SAFB2: variants seen among roughly 807,000 people sequenced by gnomAD.
SAFB2 encodes the protein scaffold attachment factor B2.
Under a neutral mutation model 100.6 loss-of-function variants are expected in SAFB2, and 32 were observed. That is an observed-to-expected ratio of 0.32 (90% CI 0.24 to 0.43). SAFB2 has a LOEUF of 0.43. Among genes scored for constraint, SAFB2 ranks in the 20% least tolerant of loss-of-function variants. The pLI, the probability that SAFB2 is intolerant of heterozygous loss-of-function variation, is 1.00. For missense variants in SAFB2, 1,185 were observed against 1,163.4 expected, an observed-to-expected ratio of 1.02 and a Z score of -0.27; for synonymous variants, 500 against 439.4, an observed-to-expected ratio of 1.14 and a Z score of -1.72.
At chr19:5,591,503 C>T (rs563894070) in intron 17 of SAFB2, 1 of 435,394 alleles carries the variant, frequency 2.3e-6, no homozygotes, top group Non-Finnish European at 4.2e-6. Flanking sequence ...TGGTCTTGAA[C>T]TCCTGACCTT....
chr19:5,612,485 A>G, intron 6 of SAFB2, 55 bp downstream of exon 6: 1 of 1,499,470 alleles, frequency 6.7e-7, no homozygotes, highest in Non-Finnish European at 9.3e-7. Context: ...GACAGCTTTA[A>G]AATAATAGTG....
At chr19:5,609,796 C>T (rs547936951) in intron 9 of SAFB2, among the ~76,000 whole-genome samples, 199 bp downstream of exon 9, 33 of 152,298 alleles carry the variant, frequency 2.2e-4, no homozygotes, top group Admixed American at 5.9e-4. Context: ...GGGCGAGCTT[C>T]GCTGCTGTCG....
chr19:5,599,826 G>A (rs739943), intron 12 of SAFB2, among the ~76,000 whole-genome samples: 15,972 of 152,024 alleles, frequency 0.11, 1,514 homozygotes, highest in East Asian at 0.47. Context: ...CAAGAAACTC[G>A]GACAACTCAC....
Position 5,610,647 on chromosome 19 carries a change from T to C in SAFB2, c.1187A>G (p.Asp396Gly). The C allele has an allele frequency of 6.4e-7, 1 of 1,570,626 alleles. No homozygotes were observed. Among genetic ancestry groups the C allele is most frequent in the Non-Finnish European group, 8.7e-7 (1 of 1,146,400 alleles). ...GTTAAATTAAATCATACCTTTTTCATCTTTAATGATTGGCTTTATATCTTT... is the reference window on the plus strand; with the variant it reads ...GTTAAATTAAATCATACCTTTTTCACCTTTAATGATTGGCTTTATATCTTT... ...EEKDIKPIIK[D>G]EKGRVGSGSG... Residue 396 changes from aspartate (D) to glycine (G), a missense_variant, in exon 8 of 21, where the codon GAT becomes GGT. Transcript: ENST00000252542.
chr19:5,597,015 C>A (rs2285965), intron 13 of SAFB2, among the ~76,000 whole-genome samples: 45,216 of 152,020 alleles, frequency 0.3, 7,174 homozygotes, highest in East Asian at 0.56. Flanking sequence ...AGGAGAGACA[C>A]ACATCACCCA....
intron 14 of SAFB2, among the ~76,000 whole-genome samples, 198 bp downstream of exon 14, chr19:5,595,163 A>G (rs1023826865): frequency 6.6e-6 from 1 of 152,080 alleles, no homozygotes; most frequent in African/African-American, 2.4e-5. Flanking sequence ...GATGACTTTC[A>G]TGCCACCTGG....
chr19:5,616,602 T>C, intron 2 of SAFB2, 116 bp from the exon 3 acceptor site: 2 of 767,020 alleles, frequency 2.6e-6, no homozygotes, highest in South Asian at 1.5e-5. Context: ...ACTATAAGTC[T>C]CCCCTCTCCT....
At chr19:5,590,509 G>T in intron 17 of SAFB2, 101 bp from the exon 18 acceptor site, 1 of 1,353,412 alleles carries the variant, frequency 7.4e-7, no homozygotes, top group Non-Finnish European at 9.9e-7. Flanking sequence ...TGGCAGGTGG[G>T]GCGGAGCTGA....
chr19:5,599,243 T>C (rs2052603190), intron 12 of SAFB2, among the ~76,000 whole-genome samples: 1 of 152,118 alleles, frequency 6.6e-6, no homozygotes, highest in South Asian at 2.1e-4. Context: ...TGACATTCTG[T>C]GAAGCTCCGC....
In SAFB2 at chr19:5,591,926, G is replaced by A. The variant is rs374933843; in HGVS notation, c.2349-133C>T. ...AACTATAACTGGCCTGGGAAAAAAG[G>A]AAAAAGCTAGCTCAAATCGAAAGGC... On this transcript the variant is annotated intron_variant, in intron 16 of 20. Transcript: ENST00000252542. 38 of 823,384 alleles carry A rather than the reference G, an allele frequency of 4.6e-5. No individual in the cohort carries two copies. In the African/African-American group the frequency reaches 5.0e-4, roughly 11 times the overall value. The allele number at this position is 823,384 out of a possible 1,614,324, so 51.0% of individuals were successfully genotyped here.
At chr19:5,610,728 C>T (rs201142666) in intron 7 of SAFB2, 40 bp from the exon 8 acceptor site, 100 of 1,346,664 alleles carry the variant, frequency 7.4e-5, no homozygotes, top group East Asian at 1.2e-4. Flanking sequence ...AGGAAAAAAA[C>T]GAAAGAGAAC....
At chr19:5,602,035 A>G (rs1250378823) in intron 11 of SAFB2, among the ~76,000 whole-genome samples, 1 of 152,168 alleles carries the variant, frequency 6.6e-6, no homozygotes, top group Non-Finnish European at 1.5e-5. Context: ...AAGCTTCTCT[A>G]TTTCACAAGG....
intron 4 of SAFB2, among the ~76,000 whole-genome samples, chr19:5,614,082 G>A (rs2052970749): frequency 6.6e-6 from 1 of 152,036 alleles, no homozygotes; most frequent in Non-Finnish European, 1.5e-5. Context: ...GCCTCCCGAG[G>A]AGCTAGGATT....
At position 5,616,181 on chromosome 19, in the gene SAFB2, T is replaced by C. The variant is rs777646318; in HGVS notation, c.494A>G (p.Tyr165Cys). The change falls in exon 4 of 21, where the codon TAC becomes TGC. Residue 165 changes from tyrosine to cysteine, a missense_variant. Tyr to Cys is a radical substitution (Grantham distance 194, BLOSUM62 -2). Transcript: ENST00000252542. ...GAGCTGTCTCAGCTGTGCAGCCACGTATTCTTTACTATCACAAAAGGAATC... is the reference window on the plus strand; with the variant it reads ...GAGCTGTCTCAGCTGTGCAGCCACGCATTCTTTACTATCACAAAAGGAATC... ...LLDSFCDSKE[Y>C]VAAQLRQLPA... 2 of 1,614,244 alleles carry C rather than the reference T, an allele frequency of 1.2e-6. No homozygotes were observed. The highest frequency in any genetic ancestry group is 2.2e-5 in the South Asian group (2 of 91,092).
Position 5,587,776 on chromosome 19 carries a change from G to A in SAFB2, c.2639-9C>T. The A allele has an allele frequency of 2.6e-6, 4 of 1,553,170 alleles. 1 individual carries two copies. In the South Asian group the frequency reaches 3.6e-5, roughly 14 times the overall value. ...CAGGCCCCTCTCGCCACCTAGAAGA[G>A]AAGAAGGGTCTGCAAACACTCCGTT... is the stretch of plus-strand genomic sequence containing the variant. On this transcript the variant is annotated splice_polypyrimidine_tract_variant and intron_variant, in intron 19 of 20. Coordinates refer to ENST00000252542, the MANE Select transcript of SAFB2 (RefSeq NM_014649.3). This position sits in a 1 kb window ranked among gnomAD's most constrained non-coding sequence, Gnocchi z 4.9.
chr19:5,595,265 C>T (rs557504319), intron 14 of SAFB2, 96 bp downstream of exon 14: 32 of 1,482,574 alleles, frequency 2.2e-5, no homozygotes, highest in South Asian at 1.0e-4. Flanking sequence ...CACTGGCTCT[C>T]GGGCACACAG....
chr19:5,607,747 A>G (rs936280514), intron 9 of SAFB2, among the ~76,000 whole-genome samples: 2 of 152,240 alleles, frequency 1.3e-5, no homozygotes, highest in African/African-American at 4.8e-5. Context: ...GACTCAGGGC[A>G]TCAACCTAAG....
At position 5,616,351 on chromosome 19, in the gene SAFB2, A is replaced by C. The variant is rs1487660416; in HGVS notation, c.340-16T>G. On this transcript the variant is annotated splice_polypyrimidine_tract_variant and intron_variant, in intron 3 of 20. Coordinates refer to ENST00000252542, the MANE Select transcript of SAFB2 (RefSeq NM_014649.3). ...CCATGTCCTCCTGTAAAGAGGAAGA[A>C]GAATCGTTAACGACCACCTGGACCA... The C allele has an allele frequency of 3.7e-6, 6 of 1,614,046 alleles. No individual in the cohort carries two copies. Among genetic ancestry groups the C allele is most frequent in the Non-Finnish European group, 4.2e-6 (5 of 1,179,924 alleles).
At chr19:5,620,863 A>T (rs181278394) in intron 2 of SAFB2, among the ~76,000 whole-genome samples, 1 of 152,330 alleles carries the variant, frequency 6.6e-6, no homozygotes, top group African/African-American at 2.4e-5. Flanking sequence ...AATAGTAAAA[A>T]ATAGGCTGAG....
Sources: gnomAD v4.1 joint callset for allele counts (sites outside exome capture counted in the v4.1 genomes callset) on GRCh38, gnomAD v4.1.1 for gene constraint, Gnocchi (gnomAD v3.1) non-coding constraint, MANE v1.5 for transcripts, NCBI Gene and HGNC (gene_info 2026-07-23, HGNC 2026-07-21) for gene names.